Variants in UBR1 observed in about 807,000 individuals in gnomAD.
UBR1 encodes the protein ubiquitin protein ligase E3 component n-recognin 1, also known as E3 ubiquitin-protein ligase UBR1.
A neutral mutation model predicts 242.1 loss-of-function variants in UBR1; 102 were observed. The observed-to-expected ratio is 0.42, with a 90% CI of 0.36 to 0.50. UBR1 has a LOEUF of 0.50. UBR1 is among the 20% of genes least tolerant of loss of function. The pLI, the probability that UBR1 is intolerant of heterozygous loss-of-function variation, is 0.01. For missense variants in UBR1, 1,772 were observed against 2,101.8 expected (o/e 0.84, Z 3.07); for synonymous variants, 675 against 684.8 (o/e 0.99, Z 0.22).
chr15:43,096,862 C>T (rs1302726329), intron 1 of UBR1, among the ~76,000 whole-genome samples: 1 of 152,062 alleles, frequency 6.6e-6, no homozygotes, highest in Non-Finnish European at 1.5e-5. Context: ...AGTCTTGAAC[C>T]CCTCAAAGTC....
At chr15:43,029,812 T>A in intron 21 of UBR1, 132 bp downstream of exon 21, 4 of 962,018 alleles carry the variant, frequency 4.2e-6, no homozygotes, top group Non-Finnish European at 6.4e-6. Context: ...AGGATGAAGG[T>A]GATTGGTTTA....
intron 1 of UBR1, 134 bp from the exon 2 acceptor site, chr15:43,086,374 A>G: frequency 9.4e-7 from 1 of 1,066,280 alleles, no homozygotes; most frequent in Non-Finnish European, 1.3e-6. Flanking sequence ...ATACAGAAGG[A>G]AAGTGGGTGA....
At chr15:43,069,980 C>T (rs756535875) in intron 5 of UBR1, among the ~76,000 whole-genome samples, 1 of 152,122 alleles carries the variant, frequency 6.6e-6, no homozygotes, top group Non-Finnish European at 1.5e-5. Flanking sequence ...CAAAATAGTA[C>T]ATTTAATGTC....
Position 42,984,919 on chromosome 15 carries a change from T to G in UBR1, c.4021A>C (p.Lys1341Gln). Residue 1341 changes from lysine to glutamine, a missense_variant, in exon 36 of 47, where the codon AAA (lysine) becomes CAA (glutamine). Lys to Gln is a moderately conservative substitution (Grantham distance 53, BLOSUM62 1). Around this residue, in one of 3 missense-constraint regions of UBR1, gnomAD observed 965 missense variants for 1,079.7 expected, o/e 0.89. Coordinates refer to ENST00000290650, the MANE Select transcript of UBR1 (RefSeq NM_174916.3). Reference protein sequence around the residue: ...AIENLLGDEGKPLFGALQNRQ... With the variant: ...AIENLLGDEGQPLFGALQNRQ... ...TTTTGAAGTGCTCCAAACAGAGGTT[T>G]TCCTTCATCTCCCAATAGATTTTCT... is the stretch of plus-strand genomic sequence containing the variant. 6.2e-7 allele frequency: 1 copy of G among 1,611,446 alleles called. No homozygotes were observed. The highest frequency in any genetic ancestry group is 8.5e-7 in the Non-Finnish European group (1 of 1,178,320).
intron 40 of UBR1, among the ~76,000 whole-genome samples, chr15:42,966,793 G>C (rs1359236080): frequency 1.3e-5 from 2 of 151,908 alleles, no homozygotes; most frequent in Admixed American, 1.3e-4. Context: ...TTAAGGCAAG[G>C]AACTACTCTT....
At chr15:43,076,834 C>T (rs2033907469) in intron 3 of UBR1, among the ~76,000 whole-genome samples, 2 of 108,900 alleles carry the variant, frequency 1.8e-5, no homozygotes, top group Admixed American at 8.8e-5. Context: ...GGCGCCTCTG[C>T]CCGGCCGCCC....
At chr15:43,075,817 G>A (rs964252119) in intron 3 of UBR1, among the ~76,000 whole-genome samples, 7 of 151,828 alleles carry the variant, frequency 4.6e-5, no homozygotes, top group South Asian at 2.1e-4. Flanking sequence ...GTTTCTCTAC[G>A]TTGGTCAGGC....
intron 15 of UBR1, among the ~76,000 whole-genome samples, chr15:43,040,069 G>T (rs1176537931): frequency 2.0e-5 from 3 of 152,130 alleles, no homozygotes; most frequent in African/African-American, 7.2e-5. Context: ...AGCTACCAAT[G>T]ACTTTCTTCA....
rs1435161824 is a variant in UBR1 at position 42,966,283 on chromosome 15, G to A, written c.4461C>T (p.Ser1487=). 3 of 1,614,048 alleles carry A rather than the reference G, an allele frequency of 1.9e-6. No homozygotes were observed. Among genetic ancestry groups the A allele is most frequent in the South Asian group, 2.2e-5 (2 of 91,076 alleles). The change falls in exon 41 of 47, where the codon TCC becomes TCT. Residue 1487 remains serine, a synonymous_variant. Transcript: ENST00000290650. The part of the protein sequence containing the change: ...FAEISQYTSG[S]IGCDIPGWYL... ...ACCAGCCAGGAATATCACACCCAAT[G>A]GAGCTAGGAGACAATAATTCCAGAA...
At position 43,092,141 on chromosome 15, in the gene UBR1, G is replaced by A. The variant is rs2034112762; in HGVS notation, c.82-5901C>T. On this transcript the variant is annotated intron_variant, in intron 1 of 46. Coordinates refer to ENST00000290650, the MANE Select transcript of UBR1 (RefSeq NM_174916.3). ...TTAGGCAGAATGTCTGGGTGCTGAT[G>A]CCTTAAATACCCTCTCCATCAGTCT... The A allele has an allele frequency of 1.1e-5, 4 of 379,912 alleles. No individual in the cohort carries two copies. In the Admixed American group the frequency reaches 1.2e-4, roughly 11 times the overall value. The allele number at this position is 379,912 out of a possible 1,614,324, so 23.5% of individuals were successfully genotyped here. A position where few individuals can be genotyped will look rare whatever the true frequency, so the allele number is the denominator to read the frequency against.
chr15:42,984,028 A>C (rs1262569123), intron 36 of UBR1, 35 bp from the exon 37 acceptor site: 1 of 1,558,024 alleles, frequency 6.4e-7, no homozygotes. Flanking sequence ...TAAAAAGATG[A>C]GGGAAGATGA....
At chr15:43,028,784 T>A (rs1033971465) in intron 21 of UBR1, among the ~76,000 whole-genome samples, 12 of 146,922 alleles carry the variant, frequency 8.2e-5, no homozygotes, top group East Asian at 6.0e-4. Flanking sequence ...CAAAAAAATA[T>A]ATATATATAT....
chr15:43,046,174 C>A (rs897687729), intron 14 of UBR1, among the ~76,000 whole-genome samples: 5 of 152,192 alleles, frequency 3.3e-5, no homozygotes, highest in African/African-American at 1.2e-4. Context: ...ATTGTGCATG[C>A]CCTCCATAAA....
rs1279508809 is a variant in UBR1, at chr15:43,082,668, C to T, written c.387G>A (p.Gln129=). The T allele has an allele frequency of 6.2e-7, 1 of 1,613,796 alleles. No individual in the cohort carries two copies. Among genetic ancestry groups the T allele is most frequent in the South Asian group, 1.1e-5 (1 of 91,072 alleles). ...AACGATGATTTTTATGAACACTGTC[C>T]TGGAAGCAGTCCATACAGAGTACAC... ...PTCVLCMDCF[Q]DSVHKNHRYK... is the part of the protein sequence containing the mutation. Residue 129 remains glutamine (Q), a synonymous_variant, in exon 3 of 47, where the codon CAG becomes CAA. Coordinates refer to ENST00000290650, the MANE Select transcript of UBR1 (RefSeq NM_174916.3).
At chr15:43,027,442 A>C (rs909476793) in intron 22 of UBR1, among the ~76,000 whole-genome samples, 5 of 152,148 alleles carry the variant, frequency 3.3e-5, no homozygotes, top group Non-Finnish European at 5.9e-5. Context: ...ATCCAAAATT[A>C]GCATATAAAA....
intron 20 of UBR1, among the ~76,000 whole-genome samples, chr15:43,030,600 G>A (rs1452236731): frequency 1.3e-5 from 2 of 152,138 alleles, no homozygotes; most frequent in East Asian, 1.9e-4. Context: ...AAAATGACTG[G>A]TGCTGTGAAA....
intron 30 of UBR1, 62 bp from the exon 31 acceptor site, chr15:43,003,992 C>CA: frequency 7.1e-7 from 1 of 1,415,040 alleles, no homozygotes; most frequent in Non-Finnish European, 1.0e-6. Context: ...AAAGTCTAAT[C>CA]ACAAACTGTC....
At chr15:43,012,070 C>G (rs952481497) in intron 29 of UBR1, 1 of 236,558 alleles carries the variant, frequency 4.2e-6, no homozygotes, top group South Asian at 4.8e-5. Context: ...ACTAAAAATA[C>G]AAAAAAATTA....
chr15:43,015,996 G>C (rs1251038170), intron 28 of UBR1, 127 bp from the exon 29 acceptor site: 1 of 792,576 alleles, frequency 1.3e-6, no homozygotes, highest in Non-Finnish European at 2.0e-6. Flanking sequence ...CCTGGATTCA[G>C]TTTAATGTTT....
Sources: gnomAD v4.1 joint callset for allele counts (sites outside exome capture counted in the v4.1 genomes callset) on GRCh38, gnomAD v4.1.1 for gene constraint, gnomAD v4.1.1 regional missense constraint, MANE v1.5 for transcripts, NCBI Gene and HGNC (gene_info 2026-07-23, HGNC 2026-07-21) for gene names.